Variants in FSTL5 observed in about 807,000 individuals in gnomAD.
FSTL5 encodes follistatin like 5, also known as follistatin-related protein 5.
In FSTL5, 62 loss-of-function variants were observed where a neutral mutation model predicts 89.1. That is an observed-to-expected ratio of 0.70 (90% CI 0.57 to 0.86). FSTL5 has a LOEUF of 0.86. Among genes scored for constraint, FSTL5 ranks in the 40% least tolerant of loss-of-function variants. The pLI is 0.00. For synonymous variants in FSTL5, 383 were observed against 346.2 expected (o/e 1.11, Z -1.18); for missense variants, 1,057 against 1,001.6 (o/e 1.06, Z -0.75).
intron 6 of FSTL5, among the ~76,000 whole-genome samples, chr4:161,737,258 T>C (rs1214150745): frequency 6.6e-6 from 1 of 152,022 alleles, no homozygotes; most frequent in Non-Finnish European, 1.5e-5. Flanking sequence ...TTTAGCTTTA[T>C]GGAAAATGAG....
intron 15 of FSTL5, among the ~76,000 whole-genome samples, chr4:161,394,313 T>C (rs940134575): frequency 6.6e-6 from 1 of 152,206 alleles, no homozygotes; most frequent in Non-Finnish European, 1.5e-5. Flanking sequence ...TCTCACTCTG[T>C]AGCCCAGGCT....
At chr4:161,552,915 C>T (rs1410882377) in intron 8 of FSTL5, among the ~76,000 whole-genome samples, 2 of 151,516 alleles carry the variant, frequency 1.3e-5, no homozygotes, top group Non-Finnish European at 3.0e-5. Context: ...CATTTCAAAC[C>T]ATTTGTTACA....
chr4:161,904,944 A>T (rs1167391603), intron 4 of FSTL5, among the ~76,000 whole-genome samples: 1 of 151,888 alleles, frequency 6.6e-6, no homozygotes, highest in Non-Finnish European at 1.5e-5. Context: ...TTTTAAATGT[A>T]TATTTATGAA....
chr4:162,102,691 TATATA>T (rs1731046983), intron 2 of FSTL5, among the ~76,000 whole-genome samples: 1 of 145,572 alleles, frequency 6.9e-6, no homozygotes, highest in African/African-American at 2.5e-5. Flanking sequence ...TATTTATATT[TATATA>T]ATATTTATAT....
intron 15 of FSTL5, among the ~76,000 whole-genome samples, chr4:161,413,231 A>G (rs939635402): frequency 1.3e-5 from 2 of 149,378 alleles, no homozygotes; most frequent in African/African-American, 4.9e-5. Flanking sequence ...AAAAATGGGC[A>G]AAGGACATGA....
chr4:161,570,244 A>G lies in FSTL5; in HGVS notation c.1015+17211T>C, dbSNP rs181091282. Among the ~76,000 whole-genome samples, 8 of 152,288 alleles carry G rather than the reference A, an allele frequency of 5.3e-5. No individual in the cohort carries two copies. The East Asian group carries it at 1.5e-3, about 29-fold the overall frequency. The stretch of plus-strand genomic sequence containing the variant: ...TGGGGGCATAGTTAAAATTTTAAAT[A>G]GTGTAGTCTGGGTAAGCTTCATTGA... On this transcript the variant is annotated intron_variant, in intron 8 of 15. Coordinates refer to ENST00000306100, the MANE Select transcript of FSTL5 (RefSeq NM_020116.5).
intron 7 of FSTL5, among the ~76,000 whole-genome samples, chr4:161,614,050 T>G (rs936871660): frequency 1.3e-5 from 2 of 152,162 alleles, no homozygotes. Context: ...TTAGAATAGA[T>G]TATTTCTATT....
At chr4:161,487,273 G>A (rs1003432766) in intron 12 of FSTL5, among the ~76,000 whole-genome samples, 1 of 152,100 alleles carries the variant, frequency 6.6e-6, no homozygotes, top group African/African-American at 2.4e-5. Context: ...TCAAGAAGTG[G>A]TGTATGTTAC....
chr4:161,816,921 C>T (rs1730341895), intron 4 of FSTL5, among the ~76,000 whole-genome samples: 1 of 152,176 alleles, frequency 6.6e-6, no homozygotes. Flanking sequence ...CTGTGTCTAT[C>T]TCCCTCCTTT....
Position 161,385,734 on chromosome 4 carries a change from T to G in FSTL5, c.*13A>C, listed in dbSNP as rs775904717. 6.7e-7 allele frequency: 1 copy of G among 1,499,006 alleles called. No individual in the cohort carries two copies. The highest frequency in any genetic ancestry group is 2.0e-5 in the Admixed American group (1 of 48,834). 92.9% of individuals were successfully genotyped at this position (1,499,006 alleles called of 1,614,324 possible). A position where few individuals can be genotyped will look rare whatever the true frequency, so the allele number is the denominator to read the frequency against. On this transcript the variant is annotated 3_prime_UTR_variant, in exon 16 of 16. Coordinates refer to ENST00000306100, the MANE Select transcript of FSTL5 (RefSeq NM_020116.5). ...TGTAAAACGCTTCATTCAATAATTG[T>G]ATCGTAGGGTTTTTAGGCATCTCCA...
intron 4 of FSTL5, among the ~76,000 whole-genome samples, chr4:161,896,716 A>G (rs760099286): frequency 1.3e-5 from 2 of 152,214 alleles, no homozygotes; most frequent in Non-Finnish European, 2.9e-5. Context: ...ACATAATTAC[A>G]TAGGAAAAAA....
At chr4:161,426,674 C>T (rs765822304) in intron 15 of FSTL5, among the ~76,000 whole-genome samples, 2 of 152,192 alleles carry the variant, frequency 1.3e-5, no homozygotes, top group African/African-American at 2.4e-5. Flanking sequence ...TCACTGCAAC[C>T]TCTGCCTCTC....
intron 1 of FSTL5, among the ~76,000 whole-genome samples, chr4:162,129,979 C>G (rs1732232308): frequency 6.6e-6 from 1 of 152,158 alleles, no homozygotes; most frequent in Non-Finnish European, 1.5e-5. Flanking sequence ...GAAGACAACA[C>G]AGTGAGATTA....
chr4:161,914,410 A>G (rs1462978051), intron 4 of FSTL5, among the ~76,000 whole-genome samples: 1 of 152,196 alleles, frequency 6.6e-6, no homozygotes. Context: ...ATTAAATGCA[A>G]TAACAAACCC....
intron 13 of FSTL5, among the ~76,000 whole-genome samples, chr4:161,461,947 C>G (rs2126416115): frequency 6.6e-6 from 1 of 151,304 alleles, no homozygotes; most frequent in South Asian, 2.1e-4. Context: ...AAAAAAAAAT[C>G]TCATTGTTAT....
intron 15 of FSTL5, among the ~76,000 whole-genome samples, chr4:161,442,065 T>C (rs866326251): frequency 2.0e-5 from 3 of 152,010 alleles, no homozygotes; most frequent in Admixed American, 6.6e-5. Flanking sequence ...GGACTTTCAA[T>C]GGGATAGACC....
In FSTL5 at chr4:161,395,418, A is replaced by G. The variant is rs550957498; in HGVS notation, c.1842-8969T>C. The stretch of plus-strand genomic sequence containing the variant: ...ATATCTATGAACACGCAGAAGCAGA[A>G]ATAAATTTTTCTTTCTATTGCAATT... On this transcript the variant is annotated intron_variant, in intron 15 of 15. Coordinates refer to ENST00000306100, the MANE Select transcript of FSTL5 (RefSeq NM_020116.5). Among the ~76,000 whole-genome samples, 87 of 152,188 alleles carry G rather than the reference A, an allele frequency of 5.7e-4. 4 individuals are homozygous for G. The South Asian group carries it at 0.018, about 31-fold the overall frequency.
At chr4:161,678,182 AT>A (rs1454044789) in intron 6 of FSTL5, among the ~76,000 whole-genome samples, 4 of 151,810 alleles carry the variant, frequency 2.6e-5, no homozygotes, top group Admixed American at 6.6e-5. Context: ...TTACTATATA[AT>A]ATGTAAATGT....
At chr4:161,956,678 G>A (rs1435497542) in intron 3 of FSTL5, among the ~76,000 whole-genome samples, 1 of 151,810 alleles carries the variant, frequency 6.6e-6, no homozygotes, top group Non-Finnish European at 1.5e-5. Flanking sequence ...ATGTCTCTGG[G>A]AAAATACTTG....
Sources: gnomAD v4.1 joint callset for allele counts (sites outside exome capture counted in the v4.1 genomes callset) on GRCh38, gnomAD v4.1.1 for gene constraint, MANE v1.5 for transcripts, NCBI Gene and HGNC (gene_info 2026-07-23, HGNC 2026-07-21) for gene names.